Variants in KCND2 observed in about 807,000 individuals in gnomAD.
KCND2 encodes the protein A-type voltage-gated potassium channel KCND2.
In KCND2, 16 loss-of-function variants were observed where a neutral mutation model predicts 54.4. The observed-to-expected ratio is 0.29, with a 90% CI of 0.20 to 0.45. KCND2 has a LOEUF of 0.45. Ranked by LOEUF, KCND2 falls within the 20% of genes least tolerant of loss-of-function variation. KCND2 has a pLI of 1.00. For synonymous variants in KCND2, 317 were observed against 310.7 expected (o/e 1.02, Z -0.21); for missense variants, 486 against 824.2 (o/e 0.59, Z 5.02).
intron 1 of KCND2, among the ~76,000 whole-genome samples, chr7:120,527,750 A>G (rs1312882046): frequency 6.6e-6 from 1 of 152,142 alleles, no homozygotes; most frequent in Non-Finnish European, 1.5e-5. Flanking sequence ...ATGTAAGTAT[A>G]ATGTCTTTCT....
chr7:120,527,924 AG>A (rs1349911714), intron 1 of KCND2, among the ~76,000 whole-genome samples: 1 of 152,190 alleles, frequency 6.6e-6, no homozygotes, highest in Non-Finnish European at 1.5e-5. Flanking sequence ...TTTGTAGAGC[AG>A]GGATATTTAG....
intron 1 of KCND2, among the ~76,000 whole-genome samples, chr7:120,555,622 C>CT (rs1211884697): frequency 6.6e-6 from 1 of 152,146 alleles, no homozygotes; most frequent in Non-Finnish European, 1.5e-5. Context: ...AGATTAAAAT[C>CT]TGAGTGTAAA....
At chr7:120,575,039 A>G (rs965878548) in intron 1 of KCND2, among the ~76,000 whole-genome samples, 3 of 152,204 alleles carry the variant, frequency 2.0e-5, no homozygotes, top group African/African-American at 7.2e-5. Context: ...AGTGTGTATT[A>G]GAGTTCTCTA....
intron 1 of KCND2, among the ~76,000 whole-genome samples, chr7:120,341,658 T>A (rs1286261598): frequency 6.6e-6 from 1 of 152,110 alleles, no homozygotes; most frequent in African/African-American, 2.4e-5. Context: ...CTTATTTGGC[T>A]GCAATAGAGT....
intron 1 of KCND2, among the ~76,000 whole-genome samples, chr7:120,674,123 T>C (rs1405483248): frequency 2.6e-5 from 4 of 152,110 alleles, no homozygotes; most frequent in Middle Eastern, 3.4e-3. Flanking sequence ...AGGCTGGTCT[T>C]GAACTCCTCA....
intron 1 of KCND2, among the ~76,000 whole-genome samples, chr7:120,540,705 G>A (rs1264898957): frequency 6.6e-6 from 1 of 152,046 alleles, no homozygotes; most frequent in African/African-American, 2.4e-5. Context: ...GTCTACACAG[G>A]CAACTTCCAA....
At chr7:120,415,393 C>T (rs539466092) in intron 1 of KCND2, among the ~76,000 whole-genome samples, 1 of 152,122 alleles carries the variant, frequency 6.6e-6, no homozygotes. Context: ...TGCTGTCATA[C>T]CCCCGCCTGC....
chr7:120,333,257 A>G (rs554775750), intron 1 of KCND2, among the ~76,000 whole-genome samples: 7 of 152,260 alleles, frequency 4.6e-5, no homozygotes, highest in Admixed American at 3.9e-4. Flanking sequence ...TAAGGAACAA[A>G]TGAAATACTG....
intron 1 of KCND2, among the ~76,000 whole-genome samples, chr7:120,282,982 C>T (rs1031194572): frequency 2.0e-5 from 3 of 152,074 alleles, no homozygotes; most frequent in East Asian, 1.9e-4. Flanking sequence ...TATAATGCCA[C>T]GTAGAGATGA....
At chr7:120,309,695 A>G (rs1236789685) in intron 1 of KCND2, among the ~76,000 whole-genome samples, 1 of 151,816 alleles carries the variant, frequency 6.6e-6, no homozygotes, top group Non-Finnish European at 1.5e-5. Flanking sequence ...ATGGACTTCT[A>G]TCTTCAGATA....
intron 1 of KCND2, among the ~76,000 whole-genome samples, chr7:120,491,880 A>G (rs1344427632): frequency 6.6e-6 from 1 of 152,076 alleles, no homozygotes; most frequent in Non-Finnish European, 1.5e-5. Context: ...TTTTAATAAG[A>G]TATCTAGAAT....
At chr7:120,509,938 T>G (rs992994755) in intron 1 of KCND2, among the ~76,000 whole-genome samples, 1 of 152,098 alleles carries the variant, frequency 6.6e-6, no homozygotes, top group East Asian at 1.9e-4. Context: ...AGCTATGGAA[T>G]AGCCGTTGTG....
At chr7:120,716,819 T>G (rs1450993540) in intron 1 of KCND2, among the ~76,000 whole-genome samples, 1 of 152,064 alleles carries the variant, frequency 6.6e-6, no homozygotes, top group Admixed American at 6.6e-5. Flanking sequence ...AAAGTCTTAA[T>G]ATGCTACAAT....
intron 1 of KCND2, among the ~76,000 whole-genome samples, chr7:120,404,143 C>T (rs1341901552): frequency 6.6e-6 from 1 of 152,126 alleles, no homozygotes; most frequent in Admixed American, 6.6e-5. Context: ...GACAAGTTTA[C>T]TGACAGGGCT....
intron 1 of KCND2, among the ~76,000 whole-genome samples, chr7:120,675,721 G>A (rs1322927195): frequency 3.3e-5 from 5 of 152,040 alleles, no homozygotes; most frequent in Non-Finnish European, 7.4e-5. Flanking sequence ...GACCTCTCAG[G>A]TTATTATGCT....
chr7:120,612,987 T>G (rs886142501), intron 1 of KCND2, among the ~76,000 whole-genome samples: 1 of 152,036 alleles, frequency 6.6e-6, no homozygotes, highest in Admixed American at 6.6e-5. Flanking sequence ...CATTATAGAA[T>G]AGTATGTGTA....
chr7:120,461,935 A>G (rs536409881), intron 1 of KCND2, among the ~76,000 whole-genome samples: 1 of 152,310 alleles, frequency 6.6e-6, no homozygotes, highest in African/African-American at 2.4e-5. Context: ...ATTCCTCTTT[A>G]AAAATAACCA....
chr7:120,488,582 G>A (rs1344279541), intron 1 of KCND2, among the ~76,000 whole-genome samples: 2 of 151,868 alleles, frequency 1.3e-5, no homozygotes, highest in Non-Finnish European at 2.9e-5. Context: ...ATATATTATC[G>A]TAACCACAAC....
At chr7:120,648,376 G>A (rs1359407691) in intron 1 of KCND2, among the ~76,000 whole-genome samples, 1 of 152,136 alleles carries the variant, frequency 6.6e-6, no homozygotes, top group Non-Finnish European at 1.5e-5. Context: ...GGAAAATTAT[G>A]TGGAGTAGTA....
Sources: allele counts gnomAD v4.1 joint callset (sites outside exome capture counted in the v4.1 genomes callset), GRCh38; gene constraint gnomAD v4.1.1; transcripts MANE v1.5; gene names NCBI Gene and HGNC (gene_info 2026-07-23, HGNC 2026-07-21).